Variants in GRAMD1C observed in about 807,000 individuals in gnomAD.
GRAMD1C encodes the protein GRAM domain containing 1C, also known as protein Aster-C.
In GRAMD1C, 89 loss-of-function variants were observed where a neutral mutation model predicts 97.8. The observed-to-expected ratio is 0.91, with a 90% CI of 0.77 to 1.09. The LOEUF is 1.09. GRAMD1C is among the 50% of genes least tolerant of loss of function. The probability of loss-of-function intolerance (pLI) is 0.00; values close to 1 mark genes in which losing one functional copy is unlikely to be tolerated. For synonymous variants in GRAMD1C, 256 were observed against 267.0 expected (o/e 0.96, Z 0.40); for missense variants, 740 against 766.4 (o/e 0.97, Z 0.41).
At chr3:113,944,944 T>C (rs553365285) in intron 17 of GRAMD1C, among the ~76,000 whole-genome samples, 1 of 152,332 alleles carries the variant, frequency 6.6e-6, no homozygotes, top group South Asian at 2.1e-4. Context: ...AGGATAATGC[T>C]TTGGGAGTTT....
intron 9 of GRAMD1C, among the ~76,000 whole-genome samples, chr3:113,913,470 A>C (rs1191041300): frequency 1.3e-5 from 2 of 151,130 alleles, no homozygotes; most frequent in African/African-American, 4.8e-5. Flanking sequence ...TAAAAGAAAC[A>C]TTATAAGTTG....
chr3:113,858,357 C>G (rs1388193247), intron 2 of GRAMD1C, among the ~76,000 whole-genome samples: 1 of 143,890 alleles, frequency 6.9e-6, no homozygotes, highest in Admixed American at 7.0e-5. Flanking sequence ...CTCAGCCTCC[C>G]AAGTAGCTGG....
intron 16 of GRAMD1C, 98 bp from the exon 17 acceptor site, chr3:113,940,142 G>A: frequency 1.1e-6 from 1 of 900,420 alleles, no homozygotes; most frequent in Non-Finnish European, 1.8e-6. Flanking sequence ...TTAATTTTGT[G>A]TTTTGTTTGC....
At chr3:113,921,011 C>A (rs956817499) in intron 10 of GRAMD1C, among the ~76,000 whole-genome samples, 1 of 152,126 alleles carries the variant, frequency 6.6e-6, no homozygotes, top group Non-Finnish European at 1.5e-5. Flanking sequence ...GTTCGTGACC[C>A]AGGTAATAAG....
intron 11 of GRAMD1C, 76 bp from the exon 12 acceptor site, chr3:113,933,435 A>G (rs1303973625): frequency 2.0e-6 from 2 of 1,002,708 alleles, no homozygotes; most frequent in Non-Finnish European, 3.1e-6. Flanking sequence ...GAATACTAAT[A>G]TACATGTTCT....
At position 113,934,077 on chromosome 3, in the gene GRAMD1C, G is replaced by A. The variant is rs1245855085; in HGVS notation, c.1353-355G>A. On this transcript the variant is annotated intron_variant, in intron 12 of 17. Coordinates refer to ENST00000358160, the MANE Select transcript of GRAMD1C (RefSeq NM_017577.5). ...GCCATCATGTACTTGGCCTACTCTG[G>A]TTAATGTAGTTACTTTCACCTAGTG... Among the ~76,000 whole-genome samples, 2 of 152,288 alleles carry A rather than the reference G, an allele frequency of 1.3e-5. 1 individual carries two copies. Among genetic ancestry groups the A allele is most frequent in the Middle Eastern group, 6.8e-3 (2 of 294 alleles).
chr3:113,868,863 G>A (rs1934684441), intron 2 of GRAMD1C, among the ~76,000 whole-genome samples: 1 of 152,094 alleles, frequency 6.6e-6, no homozygotes, highest in South Asian at 2.1e-4. Flanking sequence ...TATGTGACTA[G>A]TTTATCAGGC....
At chr3:113,856,418 A>C (rs1330387959) in intron 2 of GRAMD1C, among the ~76,000 whole-genome samples, 2 of 152,136 alleles carry the variant, frequency 1.3e-5, no homozygotes, top group Non-Finnish European at 2.9e-5. Flanking sequence ...TTTCATCACA[A>C]CAGGAATTCC....
At chr3:113,836,718 C>T (rs1447110175), upstream of GRAMD1C, among the ~76,000 whole-genome samples, 1 of 151,842 alleles carries the variant, frequency 6.6e-6, no homozygotes, top group Non-Finnish European at 1.5e-5. Flanking sequence ...ATCTCGGCTC[C>T]CTGCAGCCTC....
rs754756838 is a variant in GRAMD1C at position 113,933,419 on chromosome 3, G to A, written c.1210-92G>A. The A allele has an allele frequency of 2.8e-5, 23 of 824,962 alleles. No homozygotes were observed. The South Asian group carries it at 4.0e-4, about 14-fold the overall frequency. The allele number at this position is 824,962 out of a possible 1,614,324, so 51.1% of individuals were successfully genotyped here. A position where few individuals can be genotyped will look rare whatever the true frequency, so the allele number is the denominator to read the frequency against. On this transcript the variant is annotated intron_variant, in intron 11 of 17. Transcript: ENST00000358160. ...GTTTCTCATGTTTTTTGTAATTTTT[G>A]AGAAGGAATACTAATATACATGTTC...
intron 5 of GRAMD1C, among the ~76,000 whole-genome samples, chr3:113,879,266 C>T (rs563106793): frequency 6.6e-6 from 1 of 152,002 alleles, no homozygotes; most frequent in African/African-American, 2.4e-5. Flanking sequence ...GCTGATATTC[C>T]ATGCCAAGTT....
At chr3:113,857,883 T>C (rs879807370) in intron 2 of GRAMD1C, among the ~76,000 whole-genome samples, 9 of 152,214 alleles carry the variant, frequency 5.9e-5, no homozygotes, top group Admixed American at 1.3e-4. Context: ...TTTTTATTTA[T>C]GGCTTAATTG....
At chr3:113,858,922 C>T (rs1330921790) in intron 2 of GRAMD1C, among the ~76,000 whole-genome samples, 1 of 152,182 alleles carries the variant, frequency 6.6e-6, no homozygotes, top group Non-Finnish European at 1.5e-5. Context: ...GTAGAGTCTA[C>T]AGTGCTGACC....
At chr3:113,844,359 G>A (rs1024374506) in intron 1 of GRAMD1C, 144 bp from the exon 2 acceptor site, 25 of 500,172 alleles carry the variant, frequency 5.0e-5, no homozygotes, top group Admixed American at 1.2e-4. Context: ...AACTATTGAA[G>A]CAAAAACGTA....
intron 10 of GRAMD1C, among the ~76,000 whole-genome samples, chr3:113,923,719 C>T (rs996738838): frequency 1.3e-5 from 2 of 152,034 alleles, no homozygotes; most frequent in Admixed American, 6.6e-5. Context: ...ACATATTGGC[C>T]TAAGGTTTCC....
chr3:113,906,967 A>G (rs1936394416), intron 8 of GRAMD1C, among the ~76,000 whole-genome samples: 1 of 152,232 alleles, frequency 6.6e-6, no homozygotes, highest in African/African-American at 2.4e-5. Context: ...ACCAGGAGCA[A>G]TAAGCTATAC....
chr3:113,850,445 C>T, intron 2 of GRAMD1C: 3 of 1,317,464 alleles, frequency 2.3e-6, no homozygotes, highest in Non-Finnish European at 3.3e-6. Context: ...CTCTGGATGG[C>T]TGCAGCGTAG....
rs1175181318 is a variant in GRAMD1C, at chr3:113,945,640, A to G, written c.*162A>G. The G allele has an allele frequency of 1.8e-6, 1 of 563,414 alleles. No individual in the cohort carries two copies. The highest frequency in any genetic ancestry group is 1.9e-5 in the African/African-American group (1 of 51,708). 34.9% of individuals were successfully genotyped at this position (563,414 alleles called of 1,614,324 possible). On this transcript the variant is annotated 3_prime_UTR_variant, in exon 18 of 18. Coordinates refer to ENST00000358160, the MANE Select transcript of GRAMD1C (RefSeq NM_017577.5). The stretch of plus-strand genomic sequence containing the variant: ...TTTCAGTAACATTTATTTGATAATT[A>G]GTTTCTGCTGGCCTTAATAATCCAT...
rs778837946 is a variant in GRAMD1C at position 113,930,716 on chromosome 3, G to A, written c.1093G>A (p.Val365Ile). 6.6e-7 allele frequency: 1 copy of A among 1,511,588 alleles called. No individual in the cohort carries two copies. Among genetic ancestry groups the A allele is most frequent in the East Asian group, 2.3e-5 (1 of 44,372 alleles). The allele number at this position is 1,511,588 out of a possible 1,614,324, so 93.6% of individuals were successfully genotyped here. The change falls in exon 11 of 18, where the codon GTA becomes ATA. Residue 365 changes from valine (V) to isoleucine (I), a missense_variant and splice_region_variant. Physicochemically the swap from Val to Ile is conservative, Grantham distance 29 (BLOSUM62 3). Transcript: ENST00000358160. The stretch of plus-strand genomic sequence containing the variant: ...CATTTTGTGTTTGTTGTTGTTAGAT[G>A]TAGTATCTACCCCTTGGACTGCAGA... ...KFASSRNIID[V>I]VSTPWTAELG...
Sources: gnomAD v4.1 joint callset for allele counts (sites outside exome capture counted in the v4.1 genomes callset) on GRCh38, gnomAD v4.1.1 for gene constraint, MANE v1.5 for transcripts, NCBI Gene and HGNC (gene_info 2026-07-23, HGNC 2026-07-21) for gene names.